The following SYPL1 variants were observed in gnomAD, a reference collection of about 807,000 sequenced individuals.
SYPL1 encodes synaptophysin like 1.
A neutral mutation model predicts 23.7 loss-of-function variants in SYPL1; 6 were observed. That is an observed-to-expected ratio of 0.25 (90% confidence interval 0.14 to 0.50). The LOEUF is 0.50. SYPL1 is among the 20% of genes least tolerant of loss of function. SYPL1 has a pLI of 0.98. For missense variants in SYPL1, 253 were observed against 288.9 expected (o/e 0.88, Z 0.90); for synonymous variants, 102 against 104.5 (o/e 0.98, Z 0.15).
In SYPL1 at chr7:106,091,917, A is replaced by G. The variant is rs141131341; in HGVS notation, c.614T>C (p.Ile205Thr). The G allele has an allele frequency of 6.2e-6, 10 of 1,612,178 alleles. No homozygotes were observed. In the African/African-American group the frequency reaches 8.0e-5, roughly 13 times the overall value. Residue 205 changes from isoleucine to threonine, a missense_variant, in exon 5 of 5, where the codon ATA becomes ACA. By Grantham distance (89) the Ile-to-Thr change is moderately conservative. Transcript: ENST00000455385. This position sits in a 1 kb window ranked among gnomAD's most constrained non-coding sequence, Gnocchi z 5.0. ...VSVIFGFLNM[I>T]LWGGNAWFVY... is the part of the protein sequence containing the mutation. Reference sequence around the variant, plus strand: ...AAACCAAGCATTTCCTCCCCAGAGTATCATATTTAGAAAGCCAAATATCTA... The same window carrying G: ...AAACCAAGCATTTCCTCCCCAGAGTGTCATATTTAGAAAGCCAAATATCTA...
Position 106,091,613 on chromosome 7 carries a change from A to G in SYPL1, c.*192T>C. ...TAGACCCCTGAACTTTCAAATTTAC[A>G]TGTGAGAATACATTTACATCTTAAC... On this transcript the variant is annotated 3_prime_UTR_variant, in exon 5 of 5. Transcript: ENST00000455385. The surrounding 1 kb of genome is among the most constrained non-coding windows in gnomAD (Gnocchi z 5.0). 2.0e-6 allele frequency: 1 copy of G among 509,706 alleles called. No individual in the cohort carries two copies. Among genetic ancestry groups the G allele is most frequent in the Non-Finnish European group, 3.2e-6 (1 of 309,194 alleles). 31.6% of individuals were successfully genotyped at this position (509,706 alleles called of 1,614,324 possible).
chr7:106,092,784 T>G, intron 4 of SYPL1, 165 bp downstream of exon 4: 1 of 640,456 alleles, frequency 1.6e-6, no homozygotes, highest in Admixed American at 3.3e-5. Context: ...AATACTTTTT[T>G]TAGACAAACT....
Position 106,091,781 on chromosome 7 carries a change from C to T in SYPL1, c.*24G>A, listed in dbSNP as rs745498691. On this transcript the variant is annotated 3_prime_UTR_variant, in exon 5 of 5. Coordinates refer to ENST00000455385, the MANE Select transcript of SYPL1 (RefSeq NM_182715.4). This position sits in a 1 kb window ranked among gnomAD's most constrained non-coding sequence, Gnocchi z 5.0. Reference sequence around the variant, plus strand: ...CATGTCATAGTATCAACATATACTTCATACAGTGTATTTCTCCCTTTAATT... The same window carrying T: ...CATGTCATAGTATCAACATATACTTTATACAGTGTATTTCTCCCTTTAATT... The T allele has an allele frequency of 4.4e-6, 7 of 1,599,554 alleles. No homozygotes were observed. Among genetic ancestry groups the T allele is most frequent in the Admixed American group, 1.8e-5 (1 of 56,146 alleles).
intron 1 of SYPL1, among the ~76,000 whole-genome samples, chr7:106,103,491 T>C (rs1840432289): frequency 6.6e-6 from 1 of 152,192 alleles, no homozygotes; most frequent in South Asian, 2.1e-4. Context: ...GTGGGCACTA[T>C]AGCTGCAGTA....
At chr7:106,105,752 C>A (rs558307782) in intron 1 of SYPL1, among the ~76,000 whole-genome samples, 2 of 152,234 alleles carry the variant, frequency 1.3e-5, no homozygotes, top group South Asian at 4.2e-4. Flanking sequence ...GTCAGTACAG[C>A]ATGCTGGGTA....
At chr7:106,112,099 C>A (rs758450489) in intron 1 of SYPL1, 41 bp downstream of exon 1, 1 of 1,399,556 alleles carries the variant, frequency 7.1e-7, no homozygotes, top group Admixed American at 2.3e-5. Flanking sequence ...GGGCGCCGCG[C>A]CGAGCGGCAG....
intron 1 of SYPL1, among the ~76,000 whole-genome samples, chr7:106,110,044 C>T (rs1049019749): frequency 6.6e-6 from 1 of 152,030 alleles, no homozygotes; most frequent in Admixed American, 6.5e-5. Flanking sequence ...AGTTCCCATC[C>T]CCTATGGCAG....
rs1162501525 is a variant in SYPL1 at position 106,104,088 on chromosome 7, C to T, written c.70-4806G>A. ...ATTTATGTCTTAAATGTATATGCTT[C>T]TTCTTCTGGGAATGCCCTGTCTCTG... is the stretch of plus-strand genomic sequence containing the variant. On this transcript the variant is annotated intron_variant, in intron 1 of 4. Transcript: ENST00000455385. This position sits in a 1 kb window ranked among gnomAD's most constrained non-coding sequence, Gnocchi z 4.1. 2.6e-5 allele frequency among the ~76,000 whole-genome samples: 4 copies of T among 152,312 alleles called. No homozygotes were observed. In the East Asian group the frequency reaches 5.8e-4, roughly 22 times the overall value.
chr7:106,110,593 T>C (rs984529623), intron 1 of SYPL1, among the ~76,000 whole-genome samples: 2 of 152,262 alleles, frequency 1.3e-5, no homozygotes, highest in African/African-American at 2.4e-5. Context: ...TAACAATGTG[T>C]AGTCTTTTCA....
Position 106,091,748 on chromosome 7 carries a change from G to A in SYPL1, c.*57C>T. 1 of 1,536,194 alleles carries A rather than the reference G, an allele frequency of 6.5e-7. No individual in the cohort carries two copies. The highest frequency in any genetic ancestry group is 2.3e-5 in the East Asian group (1 of 43,672). ...AGAAACAAATAATGCTTCTCAAGGT[G>A]TTGGCAACATGTCATAGTATCAACA... On this transcript the variant is annotated 3_prime_UTR_variant, in exon 5 of 5. Coordinates refer to ENST00000455385, the MANE Select transcript of SYPL1 (RefSeq NM_182715.4). The surrounding 1 kb of genome is among the most constrained non-coding windows in gnomAD (Gnocchi z 5.0).
chr7:106,103,805 G>C (rs1840447537), intron 1 of SYPL1, among the ~76,000 whole-genome samples: 1 of 152,168 alleles, frequency 6.6e-6, no homozygotes, highest in Admixed American at 6.5e-5. Context: ...GTACTGGACA[G>C]AGCTAGTTTA....
chr7:106,094,709 G>A (rs1258625445), intron 3 of SYPL1, among the ~76,000 whole-genome samples: 6 of 152,152 alleles, frequency 3.9e-5, no homozygotes, highest in South Asian at 2.1e-4. Context: ...TTCTCTTTAC[G>A]GAAAAGTTCA....
chr7:106,094,686 C>A (rs1466169493), intron 3 of SYPL1, among the ~76,000 whole-genome samples: 1 of 152,086 alleles, frequency 6.6e-6, no homozygotes, highest in Non-Finnish European at 1.5e-5. Context: ...GGTTATATCG[C>A]ATGTTAAATA....
In SYPL1 at chr7:106,097,865, C is replaced by T. The variant is rs760405511; in HGVS notation, c.227G>A (p.Gly76Asp). 6.2e-7 allele frequency: 1 copy of T among 1,613,240 alleles called. No individual in the cohort carries two copies. Among genetic ancestry groups the T allele is most frequent in the Non-Finnish European group, 8.5e-7 (1 of 1,179,456 alleles). ...CCAATTTACATCACATATGTTTACA[C>T]CTGGAGGTGGCTGAAATGATGCCTC... is the stretch of plus-strand genomic sequence containing the variant. ...LNEASFQPPP[G>D]VNICDVNWKD... is the part of the protein sequence containing the mutation. The change falls in exon 3 of 5, where the codon GGT becomes GAT. Residue 76 changes from glycine (G) to aspartate (D), a missense_variant. Transcript: ENST00000455385. This position sits in a 1 kb window ranked among gnomAD's most constrained non-coding sequence, Gnocchi z 4.6.
At position 106,106,999 on chromosome 7, in the gene SYPL1, A is replaced by T. The variant is rs189587449; in HGVS notation, c.69+5141T>A. 6.6e-3 allele frequency among the ~76,000 whole-genome samples: 1,005 copies of T among 152,324 alleles called. 11 individuals carry two copies. The highest frequency in any genetic ancestry group is 0.023 in the African/African-American group (954 of 41,574). On this transcript the variant is annotated intron_variant, in intron 1 of 4. Transcript: ENST00000455385. ...TTCTAGTTGCAGGATCTTCATTGCT[A>T]TTTAATTTCATCATTAATCTGAAAT...
At chr7:106,099,861 C>G (rs1840223027) in intron 1 of SYPL1, among the ~76,000 whole-genome samples, 1 of 152,184 alleles carries the variant, frequency 6.6e-6, no homozygotes, top group Non-Finnish European at 1.5e-5. Flanking sequence ...TTCTTAAACA[C>G]AAACTAAGAT....
chr7:106,092,778 CT>C (rs1222255721), intron 4 of SYPL1, 170 bp downstream of exon 4: 11 of 558,096 alleles, frequency 2.0e-5, no homozygotes, highest in South Asian at 2.2e-5. Context: ...ACAGGTAATA[CT>C]TTTTTTAGAC....
At chr7:106,106,038 A>G (rs1162217831) in intron 1 of SYPL1, among the ~76,000 whole-genome samples, 1 of 152,244 alleles carries the variant, frequency 6.6e-6, no homozygotes, top group East Asian at 1.9e-4. Flanking sequence ...ATTACAAGGT[A>G]AAAACAGACT....
At chr7:106,112,367 C>T, upstream of SYPL1, 1 of 1,196,108 alleles carries the variant, frequency 8.4e-7, no homozygotes, top group Non-Finnish European at 1.0e-6. Context: ...CGGGGCGGAG[C>T]GGCGGCGGTT....
Sources: gnomAD v4.1 joint callset for allele counts (sites outside exome capture counted in the v4.1 genomes callset) on GRCh38, gnomAD v4.1.1 for gene constraint, Gnocchi (gnomAD v3.1) non-coding constraint, MANE v1.5 for transcripts, NCBI Gene and HGNC (gene_info 2026-07-23, HGNC 2026-07-21) for gene names.